Variants in PTK2B observed in about 807,000 individuals in gnomAD.
PTK2B encodes the protein protein-tyrosine kinase 2-beta.
In PTK2B, 71 loss-of-function variants were observed where a neutral mutation model predicts 142.9. The ratio of observed to expected loss-of-function variants is 0.50; its 90% CI spans 0.41 to 0.61. The LOEUF (loss-of-function observed/expected upper bound fraction) is 0.61. Among genes scored for constraint, PTK2B ranks in the 20% least tolerant of loss-of-function variants. The pLI is 0.00. For missense variants in PTK2B, 1,105 were observed against 1,320.4 expected (o/e 0.84, Z 2.53); for synonymous variants, 519 against 503.4 (o/e 1.03, Z -0.42).
At chr8:27,436,621 A>G (rs1381789749) in intron 15 of PTK2B, among the ~76,000 whole-genome samples, 2 of 152,096 alleles carry the variant, frequency 1.3e-5, no homozygotes, top group African/African-American at 2.4e-5. Flanking sequence ...GGAGAATACA[A>G]AGGGGGAGGC....
At chr8:27,328,442 T>G (rs576275821) in intron 1 of PTK2B, among the ~76,000 whole-genome samples, 2 of 152,300 alleles carry the variant, frequency 1.3e-5, no homozygotes, top group South Asian at 4.2e-4. Flanking sequence ...TAAGAATTCG[T>G]TAAGAGAAAG....
At chr8:27,444,760 C>T (rs763378521) in intron 23 of PTK2B, among the ~76,000 whole-genome samples, 1 of 152,194 alleles carries the variant, frequency 6.6e-6, no homozygotes, top group Non-Finnish European at 1.5e-5. Flanking sequence ...CCCTGAATGT[C>T]TCTGTTCTGT....
intron 1 of PTK2B, among the ~76,000 whole-genome samples, chr8:27,341,934 C>T (rs1804426095): frequency 6.6e-6 from 1 of 152,112 alleles, no homozygotes; most frequent in Admixed American, 6.5e-5. Flanking sequence ...TCTTATCCTC[C>T]CAAAGTGCTG....
chr8:27,401,559 C>G (rs982838190), intron 2 of PTK2B, among the ~76,000 whole-genome samples: 5 of 152,338 alleles, frequency 3.3e-5, no homozygotes, highest in Non-Finnish European at 5.9e-5. Flanking sequence ...GAACAGTGTT[C>G]ACTGCGGAGG....
intron 21 of PTK2B, among the ~76,000 whole-genome samples, chr8:27,441,977 T>C (rs905904574): frequency 9.9e-5 from 15 of 152,196 alleles, no homozygotes; most frequent in South Asian, 2.1e-4. Context: ...AGGTTTCTGG[T>C]GTGATCTGGA....
intron 1 of PTK2B, among the ~76,000 whole-genome samples, chr8:27,340,915 G>A (rs1020348941): frequency 3.3e-5 from 5 of 152,228 alleles, no homozygotes; most frequent in African/African-American, 1.2e-4. Flanking sequence ...TGGGGAGGGG[G>A]GCAGACAGAA....
chr8:27,425,012 C>T (rs1190848606), intron 5 of PTK2B, among the ~76,000 whole-genome samples: 1 of 152,054 alleles, frequency 6.6e-6, no homozygotes, highest in East Asian at 1.9e-4. Context: ...GCTCTCTGCC[C>T]AGATTCCTTC....
At chr8:27,398,478 T>G (rs1371107009) in intron 2 of PTK2B, among the ~76,000 whole-genome samples, 5 of 152,260 alleles carry the variant, frequency 3.3e-5, no homozygotes, top group Non-Finnish European at 5.9e-5. Flanking sequence ...TTCAGTCATC[T>G]ACATTTATTG....
At chr8:27,335,269 C>A (rs1320575465) in intron 1 of PTK2B, among the ~76,000 whole-genome samples, 1 of 152,166 alleles carries the variant, frequency 6.6e-6, no homozygotes, top group Non-Finnish European at 1.5e-5. Context: ...TCTGAGCCCT[C>A]TCCCTGTCTT....
At chr8:27,439,269 T>A (rs1440137443) in intron 19 of PTK2B, 40 bp from the exon 20 acceptor site, 1 of 1,574,980 alleles carries the variant, frequency 6.3e-7, no homozygotes, top group Non-Finnish European at 8.7e-7. Context: ...ATAATTCTGA[T>A]CTTTCTTCCC....
chr8:27,431,058 C>T, intron 8 of PTK2B, 42 bp downstream of exon 8: 1 of 1,586,290 alleles, frequency 6.3e-7, no homozygotes, highest in Non-Finnish European at 8.6e-7. Flanking sequence ...ACCTGGATTC[C>T]AGGCCTCTCG....
At chr8:27,435,352 G>A (rs539959024) in intron 13 of PTK2B, among the ~76,000 whole-genome samples, 11 of 152,320 alleles carry the variant, frequency 7.2e-5, no homozygotes, top group East Asian at 1.9e-4. Flanking sequence ...TAATCCCATC[G>A]CATTGGGAAT....
chr8:27,318,450 T>C (rs1803138464), intron 3 of PTK2B, among the ~76,000 whole-genome samples: 1 of 152,142 alleles, frequency 6.6e-6, no homozygotes, highest in Admixed American at 6.6e-5. Context: ...ACCAAAGTCA[T>C]AGAGCTGATT....
chr8:27,427,887 G>A (rs1256925032), intron 5 of PTK2B, among the ~76,000 whole-genome samples: 1 of 152,144 alleles, frequency 6.6e-6, no homozygotes, highest in Non-Finnish European at 1.5e-5. Flanking sequence ...CAGTTTCGTG[G>A]AAGACAATTT....
At chr8:27,332,589 T>TA (rs201829851) in intron 1 of PTK2B, among the ~76,000 whole-genome samples, 11 of 152,124 alleles carry the variant, frequency 7.2e-5, no homozygotes, top group Non-Finnish European at 4.4e-5. Context: ...TTTTTTTTTT[T>TA]ATCTCATTTC....
At chr8:27,427,913 T>C (rs961696636) in intron 5 of PTK2B, among the ~76,000 whole-genome samples, 1 of 152,096 alleles carries the variant, frequency 6.6e-6, no homozygotes, top group Non-Finnish European at 1.5e-5. Flanking sequence ...TGCACCCTGG[T>C]TGGGGTGGGG....
At chr8:27,346,224 ACT>A (rs1804702039) in intron 1 of PTK2B, among the ~76,000 whole-genome samples, 1 of 152,038 alleles carries the variant, frequency 6.6e-6, no homozygotes, top group African/African-American at 2.4e-5. Flanking sequence ...TCATGTTTTC[ACT>A]CTGTTTTCTT....
rs182449002 is a variant in PTK2B at position 27,431,288 on chromosome 8, G to A, written c.811-110G>A. On this transcript the variant is annotated intron_variant, in intron 8 of 30. Coordinates refer to ENST00000346049, the MANE Select transcript of PTK2B (RefSeq NM_173176.3). ...GCCAGGGTTTCGGTGAGAAGGAGCT[G>A]GAGACCCAGGAAACAGTGGCTTGTG... 2.5e-3 allele frequency: 3,910 copies of A among 1,578,386 alleles called. 7 individuals are homozygous for A. Among genetic ancestry groups the A allele is most frequent in the Non-Finnish European group, 3.0e-3 (3,501 of 1,160,492 alleles).
chr8:27,349,474 A>G (rs1404536883), intron 1 of PTK2B, among the ~76,000 whole-genome samples: 1 of 152,162 alleles, frequency 6.6e-6, no homozygotes, highest in African/African-American at 2.4e-5. Context: ...TTCAAACTTC[A>G]AGCTAAAGCC....
Sources: gnomAD v4.1 joint callset for allele counts (sites outside exome capture counted in the v4.1 genomes callset) on GRCh38, gnomAD v4.1.1 for gene constraint, MANE v1.5 for transcripts, NCBI Gene and HGNC (gene_info 2026-07-23, HGNC 2026-07-21) for gene names.